Variants in PPM1L observed in about 807,000 individuals in gnomAD.
The protein encoded by PPM1L is protein phosphatase, Mg2+/Mn2+ dependent 1L.
A neutral mutation model predicts 31.4 loss-of-function variants in PPM1L; 13 were observed. That is an observed-to-expected ratio of 0.41 (90% CI 0.27 to 0.66). PPM1L has a LOEUF of 0.66. PPM1L is among the 30% of genes least tolerant of loss of function. PPM1L has a pLI of 0.29. For synonymous variants in PPM1L, 184 were observed against 175.4 expected (o/e 1.05, Z -0.39); for missense variants, 326 against 453.7 (o/e 0.72, Z 2.56).
chr3:161,022,038 A>G (rs966032617), intron 2 of PPM1L: 38 of 481,872 alleles, frequency 7.9e-5, no homozygotes, highest in African/African-American at 5.8e-4. Flanking sequence ...TTACTATTTT[A>G]CTATTTGTTT....
chr3:161,034,827 T>A (rs1718695254), intron 2 of PPM1L, among the ~76,000 whole-genome samples: 1 of 151,462 alleles, frequency 6.6e-6, no homozygotes, highest in Non-Finnish European at 1.5e-5. Context: ...GTTCTGCACA[T>A]GTATCCCAGA....
intron 1 of PPM1L, among the ~76,000 whole-genome samples, chr3:160,808,289 CTGTG>C (rs10545216): frequency 0.038 from 5,122 of 136,128 alleles, 238 homozygotes; most frequent in African/African-American, 0.092. Flanking sequence ...GGATTTTCCT[CTGTG>C]TGTGTGTGTG....
intron 2 of PPM1L, among the ~76,000 whole-genome samples, chr3:160,966,926 G>A (rs1716168685): frequency 6.6e-6 from 1 of 152,006 alleles, no homozygotes; most frequent in African/African-American, 2.4e-5. Flanking sequence ...ATAAAAGCAG[G>A]AATTATGTAA....
intron 1 of PPM1L, among the ~76,000 whole-genome samples, chr3:160,811,888 C>T (rs1712819283): frequency 6.6e-6 from 1 of 152,186 alleles, no homozygotes; most frequent in South Asian, 2.1e-4. Context: ...AACGTTGCAA[C>T]AGGCTTGTGT....
At chr3:160,994,659 G>T (rs1446469009) in intron 2 of PPM1L, among the ~76,000 whole-genome samples, 1 of 152,172 alleles carries the variant, frequency 6.6e-6, no homozygotes, top group African/African-American at 2.4e-5. Context: ...ACTATGTGCA[G>T]GCATAGTACT....
chr3:161,013,207 G>C (rs1260211421), intron 2 of PPM1L, among the ~76,000 whole-genome samples: 4 of 152,192 alleles, frequency 2.6e-5, no homozygotes, highest in Non-Finnish European at 4.4e-5. Context: ...ATGTCCCAGA[G>C]ATTCTGGTAT....
intron 2 of PPM1L, among the ~76,000 whole-genome samples, chr3:161,058,818 G>C (rs1408955229): frequency 6.6e-6 from 1 of 152,066 alleles, no homozygotes; most frequent in Non-Finnish European, 1.5e-5. Flanking sequence ...AGTTTTAAAA[G>C]TATTTATAAC....
At chr3:160,903,193 G>GTGTGTGTGTGTGTGTGTGTGTGTGTGT in intron 1 of PPM1L, among the ~76,000 whole-genome samples, 1 of 124,110 alleles carries the variant, frequency 8.1e-6, no homozygotes, top group South Asian at 2.4e-4. Flanking sequence ...GTGTGTGTGT[G>GTGTGTGTGTGTGTGTGTGTGTGTGTGT]GTATGTGTGT....
intron 2 of PPM1L, among the ~76,000 whole-genome samples, chr3:161,011,418 A>C (rs1022122778): frequency 2.0e-5 from 3 of 152,180 alleles, no homozygotes; most frequent in Non-Finnish European, 4.4e-5. Context: ...TGGTTACTGT[A>C]GCCTTGTAGT....
chr3:160,937,445 C>A lies in PPM1L; in HGVS notation c.400-24291C>A, dbSNP rs569874881. On this transcript the variant is annotated intron_variant, in intron 1 of 3. Coordinates refer to ENST00000498165, the MANE Select transcript of PPM1L (RefSeq NM_139245.4). ...ACCATCCTGGCTAACAGGGTGAAAC[C>A]CCGTCTCTACTAAAAATACAAAAAA... is the stretch of plus-strand genomic sequence containing the variant. Among the ~76,000 whole-genome samples, 3 of 152,134 alleles carry A rather than the reference C, an allele frequency of 2.0e-5. No homozygotes were observed. In the South Asian group the frequency reaches 6.2e-4, roughly 32 times the overall value.
chr3:161,033,095 C>A (rs1718629916), intron 2 of PPM1L, among the ~76,000 whole-genome samples: 1 of 151,872 alleles, frequency 6.6e-6, no homozygotes, highest in Non-Finnish European at 1.5e-5. Flanking sequence ...TTCACAGTTT[C>A]TACAAAGAAA....
intron 1 of PPM1L, among the ~76,000 whole-genome samples, chr3:160,796,118 A>G (rs1712240474): frequency 6.6e-6 from 1 of 152,180 alleles, no homozygotes; most frequent in Non-Finnish European, 1.5e-5. Context: ...AAAATAATAA[A>G]TCTCTACTCT....
At chr3:160,964,934 A>C (rs2108110888) in intron 2 of PPM1L, among the ~76,000 whole-genome samples, 1 of 152,244 alleles carries the variant, frequency 6.6e-6, no homozygotes, top group East Asian at 1.9e-4. Flanking sequence ...AAATATAATA[A>C]TACAAAAGAA....
intron 1 of PPM1L, among the ~76,000 whole-genome samples, chr3:160,833,659 A>G (rs1418120936): frequency 6.6e-6 from 1 of 151,804 alleles, no homozygotes; most frequent in Non-Finnish European, 1.5e-5. Context: ...AAGTTCCTAT[A>G]TATTCTGGAT....
chr3:161,058,827 A>G (rs1719495028), intron 2 of PPM1L, among the ~76,000 whole-genome samples: 1 of 152,188 alleles, frequency 6.6e-6, no homozygotes, highest in African/African-American at 2.4e-5. Context: ...AGTATTTATA[A>G]CTAGGAATCT....
At chr3:160,938,699 C>A (rs144516328) in intron 1 of PPM1L, among the ~76,000 whole-genome samples, 1 of 152,294 alleles carries the variant, frequency 6.6e-6, no homozygotes, top group African/African-American at 2.4e-5. Flanking sequence ...TTAGCCCACT[C>A]CCCTGTTTTA....
intron 1 of PPM1L, among the ~76,000 whole-genome samples, chr3:160,923,677 G>A (rs890911799): frequency 6.6e-6 from 1 of 152,204 alleles, no homozygotes; most frequent in African/African-American, 2.4e-5. Flanking sequence ...TTCCTCTTCA[G>A]TCATCCCTTG....
At chr3:160,874,547 A>G (rs898850275) in intron 1 of PPM1L, among the ~76,000 whole-genome samples, 5 of 152,234 alleles carry the variant, frequency 3.3e-5, no homozygotes, top group African/African-American at 1.2e-4. Flanking sequence ...GTGGCAGGTT[A>G]TACTTTCCAA....
In PPM1L at chr3:161,065,415, T is replaced by C. The variant is rs370103528; in HGVS notation, c.587T>C (p.Leu196Ser). The change falls in exon 3 of 4, where the codon TTG becomes TCG. Residue 196 changes from leucine to serine, a missense_variant. Coordinates refer to ENST00000498165, the MANE Select transcript of PPM1L (RefSeq NM_139245.4). ...VSYDEAGTTCLIALLSDKDLT... is the reference protein window; with the variant it reads ...VSYDEAGTTCSIALLSDKDLT... ...TTCTATTTTTCAGGCACAACGTGTT[T>C]GATTGCTCTGCTATCAGATAAAGAC... 3.7e-6 allele frequency: 6 copies of C among 1,613,928 alleles called. No individual in the cohort carries two copies. Among genetic ancestry groups the C allele is most frequent in the Non-Finnish European group, 4.2e-6 (5 of 1,179,924 alleles).
Sources: allele counts gnomAD v4.1 joint callset (sites outside exome capture counted in the v4.1 genomes callset), GRCh38; gene constraint gnomAD v4.1.1; transcripts MANE v1.5; gene names NCBI Gene and HGNC (gene_info 2026-07-23, HGNC 2026-07-21).